RALGAPB: variants seen among roughly 807,000 people sequenced by gnomAD.
The protein encoded by RALGAPB is Ral GTPase activating protein non-catalytic subunit beta.
RALGAPB carries 25 observed loss-of-function variants against 161.1 expected under a neutral mutation model. The ratio of observed to expected loss-of-function variants is 0.16; its 90% CI spans 0.11 to 0.22. The LOEUF is 0.22. RALGAPB is among the 10% of genes least tolerant of loss of function. RALGAPB has a pLI of 1.00. For synonymous variants in RALGAPB, 629 were observed against 626.1 expected, an observed-to-expected ratio of 1.00 and a Z score of -0.07; for missense variants, 1,391 against 1,815.2, an observed-to-expected ratio of 0.77 and a Z score of 4.25.
chr20:38,507,197 AATT>A lies in RALGAPB; in HGVS notation c.741-1876_741-1874del, dbSNP rs200877758. The stretch of plus-strand genomic sequence containing the variant: ...TCCCTTTTTAAAAATGCCAGTTTGA[AATT>A]ATTCTATATAATATTATCTACTTTT... On this transcript the variant is annotated intron_variant, in intron 5 of 29. Coordinates refer to ENST00000262879, the MANE Select transcript of RALGAPB (RefSeq NM_020336.4). 5.7e-3 allele frequency among the ~76,000 whole-genome samples: 871 copies of A among 152,242 alleles called. 6 individuals carry two copies. The highest frequency in any genetic ancestry group is 0.02 in the African/African-American group (821 of 41,548).
Position 38,482,336 on chromosome 20 carries a change from T to G in RALGAPB, c.-30-6067T>G, listed in dbSNP as rs1049324012. 8.5e-5 allele frequency among the ~76,000 whole-genome samples: 13 copies of G among 152,134 alleles called. No homozygotes were observed. The East Asian group carries it at 2.5e-3, about 29-fold the overall frequency. Reference sequence around the variant, plus strand: ...AAGAAAATCCATATGTAAGTGGACCTTAGCAGTTGAAACCCATGTTGTTCA... The same window carrying G: ...AAGAAAATCCATATGTAAGTGGACCGTAGCAGTTGAAACCCATGTTGTTCA... On this transcript the variant is annotated intron_variant, in intron 1 of 29. Transcript: ENST00000262879.
intron 18 of RALGAPB, 97 bp downstream of exon 18, chr20:38,541,289 G>A (rs1448259283): frequency 1.1e-5 from 13 of 1,196,494 alleles, no homozygotes; most frequent in African/African-American, 7.6e-5. Flanking sequence ...TCAGCATTGC[G>A]TGATGCAGCC....
intron 16 of RALGAPB, chr20:38,537,845 G>A (rs1158299167): frequency 6.6e-6 from 1 of 152,154 alleles, no homozygotes; most frequent in Non-Finnish European, 1.5e-5. Context: ...GCTTGCAGAA[G>A]GTGACTACTC....
At chr20:38,532,033 G>A (rs937717938) in intron 14 of RALGAPB, among the ~76,000 whole-genome samples, 1 of 151,926 alleles carries the variant, frequency 6.6e-6, no homozygotes, top group African/African-American at 2.4e-5. Context: ...GTTTATTCAT[G>A]CCTTTTTGTT....
intron 24 of RALGAPB, among the ~76,000 whole-genome samples, chr20:38,564,444 A>G (rs755548370): frequency 1.3e-5 from 2 of 152,202 alleles, no homozygotes; most frequent in Admixed American, 6.5e-5. Context: ...AGAATTAGGT[A>G]TCTTCCAATT....
intron 1 of RALGAPB, among the ~76,000 whole-genome samples, chr20:38,482,041 C>G (rs1482415695): frequency 6.6e-6 from 1 of 150,946 alleles, no homozygotes; most frequent in Non-Finnish European, 1.5e-5. Flanking sequence ...TTGACTCTGC[C>G]AAAACTAGTA....
chr20:38,486,778 T>A (rs566438804), intron 1 of RALGAPB, among the ~76,000 whole-genome samples: 2 of 152,232 alleles, frequency 1.3e-5, no homozygotes, highest in Admixed American at 1.3e-4. Context: ...AAATTTTTAT[T>A]TGAATATAAC....
intron 29 of RALGAPB, 98 bp from the exon 30 acceptor site, chr20:38,574,676 G>A: frequency 8.2e-7 from 1 of 1,224,658 alleles, no homozygotes; most frequent in Non-Finnish European, 1.2e-6. Flanking sequence ...GAATGAAATA[G>A]TTTTGAGTAT....
chr20:38,480,411 G>C (rs1490589039), intron 1 of RALGAPB, among the ~76,000 whole-genome samples: 1 of 133,984 alleles, frequency 7.5e-6, no homozygotes, highest in African/African-American at 2.8e-5. Flanking sequence ...TTTTGAGATG[G>C]AGTCTCGCTC....
At chr20:38,474,758 A>G (rs945883471) in intron 1 of RALGAPB, among the ~76,000 whole-genome samples, 5 of 152,168 alleles carry the variant, frequency 3.3e-5, no homozygotes, top group African/African-American at 1.2e-4. Flanking sequence ...AGATTATGAG[A>G]AGCTTTAGGG....
chr20:38,505,125 A>G (rs2085721209), intron 5 of RALGAPB, among the ~76,000 whole-genome samples: 1 of 152,190 alleles, frequency 6.6e-6, no homozygotes, highest in African/African-American at 2.4e-5. Context: ...AGACACATGC[A>G]CTTTTATATA....
Position 38,566,275 on chromosome 20 carries a change from G to T in RALGAPB, c.3817+797G>T, listed in dbSNP as rs533021538. 6.6e-5 allele frequency among the ~76,000 whole-genome samples: 10 copies of T among 152,274 alleles called. No individual in the cohort carries two copies. In the South Asian group the frequency reaches 2.1e-3, roughly 32 times the overall value. On this transcript the variant is annotated intron_variant, in intron 25 of 29. Transcript: ENST00000262879. ...TCTGGGGCCGGCTGTGTTCCTGGAA[G>T]GTTGGACCTTCCATGGTTTAGGTTT...
chr20:38,531,303 C>T (rs2086644489), intron 14 of RALGAPB, 72 bp downstream of exon 14: 5 of 1,315,370 alleles, frequency 3.8e-6, no homozygotes, highest in East Asian at 4.7e-5. Context: ...TCCAGAATGT[C>T]CATCTTTGTG....
At chr20:38,559,142 C>G (rs1008445273) in intron 23 of RALGAPB, among the ~76,000 whole-genome samples, 2 of 152,196 alleles carry the variant, frequency 1.3e-5, no homozygotes, top group African/African-American at 4.8e-5. Flanking sequence ...TTAAGGAATT[C>G]AGATTCACAA....
At position 38,574,152 on chromosome 20, in the gene RALGAPB, C is replaced by T. The variant is rs781571875; in HGVS notation, c.4145C>T (p.Ser1382Phe). Residue 1382 changes from serine (S) to phenylalanine (F), a missense_variant and splice_region_variant, in exon 29 of 30, where the codon TCT (serine) becomes TTT (phenylalanine). Physicochemically the swap from Ser to Phe is radical, Grantham distance 155. Transcript: ENST00000262879. ...TTANSSTSLR[S>F]TTLEKEVPVI... is the part of the protein sequence containing the mutation. ...GATAACAATTTTCTTTTCTTAAGAT[C>T]TACAACTCTTGAAAAAGAAGTTCCT... 1.2e-6 allele frequency: 2 copies of T among 1,606,066 alleles called. No homozygotes were observed. Among genetic ancestry groups the T allele is most frequent in the Admixed American group, 1.7e-5 (1 of 58,388 alleles).
chr20:38,556,219 A>G (rs1030521029), intron 22 of RALGAPB, among the ~76,000 whole-genome samples: 1 of 152,210 alleles, frequency 6.6e-6, no homozygotes, highest in African/African-American at 2.4e-5. Context: ...ACTACTATTT[A>G]ACAAAGAGAA....
chr20:38,504,247 GGAACA>G (rs1206689576), intron 5 of RALGAPB, among the ~76,000 whole-genome samples: 3 of 152,086 alleles, frequency 2.0e-5, no homozygotes, highest in Non-Finnish European at 2.9e-5. Context: ...ATAAACTAAT[GGAACA>G]GAATAGAGAA....
At chr20:38,482,910 G>T (rs2085014638) in intron 1 of RALGAPB, among the ~76,000 whole-genome samples, 1 of 152,042 alleles carries the variant, frequency 6.6e-6, no homozygotes, top group Non-Finnish European at 1.5e-5. Context: ...TTTAGACAGA[G>T]TCCCGCTCTG....
At chr20:38,483,138 C>T (rs763345676) in intron 1 of RALGAPB, among the ~76,000 whole-genome samples, 1 of 152,224 alleles carries the variant, frequency 6.6e-6, no homozygotes, top group African/African-American at 2.4e-5. Flanking sequence ...ATGTGCCCGC[C>T]TCCGCCTCCC....
Sources: gnomAD v4.1 joint callset for allele counts (sites outside exome capture counted in the v4.1 genomes callset) on GRCh38, gnomAD v4.1.1 for gene constraint, MANE v1.5 for transcripts, NCBI Gene and HGNC (gene_info 2026-07-23, HGNC 2026-07-21) for gene names.